Variants in GRID2 observed in about 807,000 individuals in gnomAD.
GRID2 encodes the protein glutamate ionotropic receptor delta type subunit 2.
Under a neutral mutation model 114.8 loss-of-function variants are expected in GRID2, and 33 were observed. The observed-to-expected ratio is 0.29, with a 90% CI of 0.22 to 0.38. GRID2 has a LOEUF of 0.38. Ranked by LOEUF, GRID2 falls within the 10% of genes least tolerant of loss-of-function variation. The pLI is 1.00. For missense variants in GRID2, 1,184 were observed against 1,257.7 expected (o/e 0.94, Z 0.89); for synonymous variants, 505 against 449.9 (o/e 1.12, Z -1.55).
At chr4:92,654,045 A>G (rs1732107963) in intron 2 of GRID2, among the ~76,000 whole-genome samples, 3 of 152,238 alleles carry the variant, frequency 2.0e-5, no homozygotes, top group Admixed American at 2.0e-4. Context: ...ATAGTTTGTG[A>G]TATTGCTGGA....
At chr4:92,761,915 A>C (rs1050434593) in intron 2 of GRID2, among the ~76,000 whole-genome samples, 2 of 152,084 alleles carry the variant, frequency 1.3e-5, no homozygotes, top group East Asian at 3.9e-4. Flanking sequence ...AATATGTGTT[A>C]AGTTGTTTTT....
intron 3 of GRID2, among the ~76,000 whole-genome samples, chr4:93,085,689 A>G (rs1730274615): frequency 1.3e-5 from 2 of 152,146 alleles, no homozygotes. Context: ...ACCTCTTTCT[A>G]TTATTTGGCT....
intron 3 of GRID2, among the ~76,000 whole-genome samples, chr4:93,096,444 C>T (rs747533612): frequency 5.9e-5 from 9 of 151,764 alleles, no homozygotes; most frequent in Non-Finnish European, 7.4e-5. Context: ...ATCCGAAAAA[C>T]GTATAAATAT....
intron 8 of GRID2, among the ~76,000 whole-genome samples, chr4:93,356,699 T>C (rs566916911): frequency 1.3e-5 from 2 of 151,890 alleles, no homozygotes; most frequent in African/African-American, 4.8e-5. Flanking sequence ...AAACATAACG[T>C]GTAAACAAAA....
downstream of GRID2, among the ~76,000 whole-genome samples, chr4:93,778,872 T>C (rs532072054): frequency 6.6e-6 from 1 of 152,326 alleles, no homozygotes; most frequent in Admixed American, 6.5e-5. Flanking sequence ...ATGAGTACAA[T>C]TCTTTCCAAA....
At chr4:92,318,302 ATATATATT>A (rs1479913338) in intron 1 of GRID2, among the ~76,000 whole-genome samples, 8 of 131,184 alleles carry the variant, frequency 6.1e-5, no homozygotes, top group Non-Finnish European at 1.6e-5. Context: ...ATATATATAT[ATATATATT>A]TTTTTTTTTT....
At chr4:93,637,366 T>C (rs1000593638) in intron 14 of GRID2, among the ~76,000 whole-genome samples, 36 of 152,158 alleles carry the variant, frequency 2.4e-4, no homozygotes, top group African/African-American at 8.0e-4. Context: ...ATTTGAAATT[T>C]TCCAAAATCC....
At chr4:92,937,261 A>G (rs1424850872) in intron 2 of GRID2, among the ~76,000 whole-genome samples, 2 of 146,744 alleles carry the variant, frequency 1.4e-5, no homozygotes, top group Admixed American at 7.4e-5. Context: ...AGATATTATT[A>G]CCAAATCCAA....
chr4:93,668,957 C>G (rs920130871), intron 14 of GRID2, among the ~76,000 whole-genome samples: 3 of 151,936 alleles, frequency 2.0e-5, no homozygotes, highest in African/African-American at 7.2e-5. Context: ...TCAGTTTTGA[C>G]CATTTGGGGT....
intron 2 of GRID2, among the ~76,000 whole-genome samples, chr4:92,725,264 A>G (rs1445402631): frequency 6.6e-6 from 1 of 152,140 alleles, no homozygotes; most frequent in Non-Finnish European, 1.5e-5. Flanking sequence ...AGATTGCGCC[A>G]CTATACTCCA....
intron 2 of GRID2, among the ~76,000 whole-genome samples, chr4:92,918,694 A>T (rs1221645482): frequency 2.0e-5 from 3 of 152,144 alleles, no homozygotes; most frequent in Non-Finnish European, 4.4e-5. Flanking sequence ...CATCCCAGGG[A>T]TGAAGCCCAC....
At chr4:93,615,600 G>T (rs1741542251) in intron 13 of GRID2, among the ~76,000 whole-genome samples, 1 of 147,860 alleles carries the variant, frequency 6.8e-6, no homozygotes, top group Non-Finnish European at 1.5e-5. Flanking sequence ...CAATAAATAT[G>T]TACAATTATT....
intron 8 of GRID2, among the ~76,000 whole-genome samples, chr4:93,278,632 T>A (rs1381709924): frequency 6.6e-6 from 1 of 151,886 alleles, no homozygotes; most frequent in Non-Finnish European, 1.5e-5. Flanking sequence ...ATATAATGAA[T>A]ACACAAAAAA....
chr4:92,936,086 G>T (rs934428548), intron 2 of GRID2, among the ~76,000 whole-genome samples: 3 of 145,940 alleles, frequency 2.1e-5, no homozygotes, highest in South Asian at 2.3e-4. Flanking sequence ...TGAAGAAAAT[G>T]TTTATATTGA....
At chr4:93,258,735 T>C (rs1006439845) in intron 8 of GRID2, among the ~76,000 whole-genome samples, 6 of 151,850 alleles carry the variant, frequency 4.0e-5, no homozygotes, top group African/African-American at 1.4e-4. Context: ...GCTTTTAAAA[T>C]AATCTGAACC....
At position 92,772,200 on chromosome 4, in the gene GRID2, G is replaced by A; in HGVS notation, c.244+181914G>A. Among the ~76,000 whole-genome samples, 2 of 152,146 alleles carry A rather than the reference G, an allele frequency of 1.3e-5. 1 individual carries two copies. Among genetic ancestry groups the A allele is most frequent in the East Asian group, 3.9e-4 (2 of 5,182 alleles). On this transcript the variant is annotated intron_variant, in intron 2 of 15. Coordinates refer to ENST00000282020, the MANE Select transcript of GRID2 (RefSeq NM_001510.4). ...AAAACCTTGGCACCAGTGAGTTTAG[G>A]AAATGTATCCTTCTTTCTAGCCTTT...
At chr4:92,703,620 TA>T (rs1734791068) in intron 2 of GRID2, among the ~76,000 whole-genome samples, 3 of 10,952 alleles carry the variant, frequency 2.7e-4, no homozygotes, top group Non-Finnish European at 1.1e-3. Context: ...AAAAACATTA[TA>T]TATATATATA....
intron 10 of GRID2, among the ~76,000 whole-genome samples, chr4:93,442,618 A>G (rs1047192998): frequency 4.0e-5 from 6 of 151,470 alleles, no homozygotes; most frequent in Non-Finnish European, 8.8e-5. Context: ...AACGACAGAG[A>G]CAGAGACAGA....
intron 10 of GRID2, among the ~76,000 whole-genome samples, chr4:93,450,726 A>C (rs1722607955): frequency 6.6e-6 from 1 of 151,778 alleles, no homozygotes; most frequent in Admixed American, 6.6e-5. Flanking sequence ...TAATTTTAAA[A>C]ATGTATTTAT....
Sources: gnomAD v4.1 joint callset for allele counts (sites outside exome capture counted in the v4.1 genomes callset) on GRCh38, gnomAD v4.1.1 for gene constraint, MANE v1.5 for transcripts, NCBI Gene and HGNC (gene_info 2026-07-23, HGNC 2026-07-21) for gene names.